WWOX: variants seen among roughly 807,000 people sequenced by gnomAD.
The protein encoded by WWOX is WW domain-containing oxidoreductase.
A neutral mutation model predicts 46.2 loss-of-function variants in WWOX; 69 were observed. The ratio of observed to expected loss-of-function variants is 1.49; its 90% CI spans 1.23 to 1.82. The LOEUF (loss-of-function observed/expected upper bound fraction) is 1.82. Ranked by LOEUF, WWOX falls within the 40% of genes most tolerant of loss-of-function variation. The probability of loss-of-function intolerance (pLI) is 0.00; values close to 1 mark genes in which losing one functional copy is unlikely to be tolerated. For missense variants in WWOX, 919 were observed against 542.6 expected (o/e 1.69, Z -6.89); for synonymous variants, 359 against 202.6 (o/e 1.77, Z -6.56).
At chr16:78,457,041 A>G (rs2083835702) in intron 8 of WWOX, among the ~76,000 whole-genome samples, 1 of 152,226 alleles carries the variant, frequency 6.6e-6, no homozygotes, top group Non-Finnish European at 1.5e-5. Context: ...TTGATGTTGA[A>G]ATGTCACACA....
chr16:78,687,955 G>C (rs1263893414), intron 8 of WWOX, among the ~76,000 whole-genome samples: 2 of 152,078 alleles, frequency 1.3e-5, no homozygotes, highest in Admixed American at 1.3e-4. Context: ...TGCAAGTGAG[G>C]TCAGATCTAG....
intron 8 of WWOX, among the ~76,000 whole-genome samples, chr16:78,638,501 ATC>A (rs1158374816): frequency 6.6e-6 from 1 of 151,928 alleles, no homozygotes; most frequent in Non-Finnish European, 1.5e-5. Flanking sequence ...CTCTGATAAG[ATC>A]TGTCTGCACT....
At chr16:78,721,707 G>C (rs568069961) in intron 8 of WWOX, among the ~76,000 whole-genome samples, 2 of 152,204 alleles carry the variant, frequency 1.3e-5, no homozygotes, top group Admixed American at 1.3e-4. Flanking sequence ...ATATTGGCTG[G>C]CCAGTAGCAT....
intron 8 of WWOX, among the ~76,000 whole-genome samples, chr16:79,187,757 G>A (rs1350490492): frequency 6.6e-6 from 1 of 152,194 alleles, no homozygotes; most frequent in Non-Finnish European, 1.5e-5. Context: ...GGCCAGGCTG[G>A]TCTCGAACTC....
chr16:79,104,560 G>T (rs146810057), intron 8 of WWOX, among the ~76,000 whole-genome samples: 1 of 152,078 alleles, frequency 6.6e-6, no homozygotes, highest in Non-Finnish European at 1.5e-5. Flanking sequence ...AATTATGTAC[G>T]GTTAAGTATT....
intron 8 of WWOX, among the ~76,000 whole-genome samples, chr16:78,956,611 A>ATCATG (rs1298174183): frequency 1.1e-4 from 16 of 139,686 alleles, no homozygotes; most frequent in Non-Finnish European, 2.6e-4. Context: ...ATCATATCAT[A>ATCATG]TCATGTCATA....
chr16:78,641,710 A>G (rs1247397049), intron 8 of WWOX, among the ~76,000 whole-genome samples: 1 of 152,138 alleles, frequency 6.6e-6, no homozygotes, highest in Non-Finnish European at 1.5e-5. Context: ...AGGTTTATGT[A>G]TGGATTAACA....
At chr16:79,054,334 C>G (rs1251227138) in intron 8 of WWOX, among the ~76,000 whole-genome samples, 1 of 152,180 alleles carries the variant, frequency 6.6e-6, no homozygotes, top group Non-Finnish European at 1.5e-5. Context: ...GGTTTCTTAT[C>G]TTTCTTACTT....
intron 8 of WWOX, among the ~76,000 whole-genome samples, chr16:78,694,775 G>A (rs1483609245): frequency 6.6e-6 from 1 of 151,692 alleles, no homozygotes; most frequent in Admixed American, 6.6e-5. Flanking sequence ...ACAGCTTTTT[G>A]AAGTTACTCT....
At chr16:78,393,627 T>TGGTCA (rs1313486714) in intron 6 of WWOX, among the ~76,000 whole-genome samples, 3 of 152,236 alleles carry the variant, frequency 2.0e-5, no homozygotes, top group African/African-American at 7.2e-5. Flanking sequence ...TTGCAGTTAC[T>TGGTCA]GGTCAGCTTG....
intron 5 of WWOX, among the ~76,000 whole-genome samples, chr16:78,165,851 A>G (rs900681987): frequency 6.6e-6 from 1 of 152,220 alleles, no homozygotes; most frequent in African/African-American, 2.4e-5. Context: ...TCTTGAGCTC[A>G]CTGAGCTTAT....
intron 8 of WWOX, among the ~76,000 whole-genome samples, chr16:78,969,405 G>C (rs2046427001): frequency 6.6e-6 from 1 of 152,048 alleles, no homozygotes; most frequent in Admixed American, 6.6e-5. Flanking sequence ...GAGTAGCTGG[G>C]ATTACAGGGG....
intron 8 of WWOX, among the ~76,000 whole-genome samples, chr16:79,194,641 T>A (rs2051202577): frequency 6.6e-6 from 1 of 152,214 alleles, no homozygotes; most frequent in South Asian, 2.1e-4. Flanking sequence ...GCTCCCCTTG[T>A]GTGAACTGGC....
At chr16:79,003,776 C>T (rs1249418201) in intron 8 of WWOX, among the ~76,000 whole-genome samples, 1 of 152,158 alleles carries the variant, frequency 6.6e-6, no homozygotes, top group Non-Finnish European at 1.5e-5. Context: ...CCTTTTCTGA[C>T]TTAGTCTCAG....
intron 7 of WWOX, among the ~76,000 whole-genome samples, chr16:78,430,372 A>T (rs1383861328): frequency 3.3e-5 from 5 of 152,126 alleles, no homozygotes; most frequent in African/African-American, 4.8e-5. Context: ...AATCACACAA[A>T]ATCTGAAAGT....
At chr16:78,841,043 C>G (rs1546838) in intron 8 of WWOX, among the ~76,000 whole-genome samples, 100,381 of 151,930 alleles carry the variant, frequency 0.66, 33,661 homozygotes, top group South Asian at 0.78. Flanking sequence ...TCCAATATAA[C>G]AAAGAACTGC....
At chr16:78,511,788 T>G (rs1422567633) in intron 8 of WWOX, among the ~76,000 whole-genome samples, 2 of 152,326 alleles carry the variant, frequency 1.3e-5, no homozygotes, top group Admixed American at 6.5e-5. Context: ...TCAGCTGGAC[T>G]CGATACTTCT....
chr16:79,002,322 C>A (rs1191916661), intron 8 of WWOX, among the ~76,000 whole-genome samples: 1 of 136,308 alleles, frequency 7.3e-6, no homozygotes, highest in Non-Finnish European at 1.5e-5. Context: ...CTTCCAAGTT[C>A]AAGTGATTCT....
intron 8 of WWOX, among the ~76,000 whole-genome samples, chr16:78,700,176 C>G (rs944323175): frequency 7.9e-5 from 12 of 151,724 alleles, no homozygotes; most frequent in African/African-American, 2.9e-4. Flanking sequence ...GACTGGGTGG[C>G]TTGATTTTTT....
Sources: allele counts gnomAD v4.1 joint callset (sites outside exome capture counted in the v4.1 genomes callset), GRCh38; gene constraint gnomAD v4.1.1; transcripts MANE v1.5; gene names NCBI Gene and HGNC (gene_info 2026-07-23, HGNC 2026-07-21).